Variants in FAM163A observed in about 807,000 individuals in gnomAD.
FAM163A encodes the protein family with sequence similarity 163 member A, also known as protein FAM163A.
FAM163A carries 7 observed loss-of-function variants against 12.0 expected under a neutral mutation model. The ratio of observed to expected loss-of-function variants is 0.58; its 90% CI spans 0.33 to 1.10. The LOEUF is 1.10. Ranked by LOEUF, FAM163A falls within the 50% of genes least tolerant of loss-of-function variation. The probability of loss-of-function intolerance (pLI) is 0.03; values close to 1 mark genes in which losing one functional copy is unlikely to be tolerated. For missense variants in FAM163A, 202 were observed against 218.6 expected (o/e 0.92, Z 0.48); for synonymous variants, 101 against 91.0 (o/e 1.11, Z -0.62).
At chr1:179,765,694 T>G (rs1687395623) in intron 1 of FAM163A, among the ~76,000 whole-genome samples, 1 of 151,818 alleles carries the variant, frequency 6.6e-6, no homozygotes, top group Non-Finnish European at 1.5e-5. Context: ...TTTTTTTTTT[T>G]TTTTTGCTGA....
chr1:179,753,099 T>C (rs553602185), intron 1 of FAM163A, among the ~76,000 whole-genome samples: 1 of 152,360 alleles, frequency 6.6e-6, no homozygotes, highest in South Asian at 2.1e-4. Flanking sequence ...GTGGATTTAA[T>C]GTGGTGTATA....
At chr1:179,753,756 T>C (rs186983190) in intron 1 of FAM163A, among the ~76,000 whole-genome samples, 1 of 152,138 alleles carries the variant, frequency 6.6e-6, no homozygotes, top group African/African-American at 2.4e-5. Context: ...AAGAAGTTTA[T>C]TTTAGAGTGC....
chr1:179,729,949 G>T, the FAM163A span, among the ~76,000 whole-genome samples: 2 of 152,230 alleles, frequency 1.3e-5, no homozygotes, highest in African/African-American at 4.8e-5. Flanking sequence ...TGCTGCACTT[G>T]TGCTTTTAAT....
At chr1:179,785,402 G>C (rs914080199) in intron 1 of FAM163A, among the ~76,000 whole-genome samples, 1 of 152,164 alleles carries the variant, frequency 6.6e-6, no homozygotes, top group Non-Finnish European at 1.5e-5. Flanking sequence ...TTGATAAAAT[G>C]AGAGAACATG....
intron 1 of FAM163A, among the ~76,000 whole-genome samples, chr1:179,755,578 G>A (rs1328524778): frequency 2.0e-5 from 3 of 152,174 alleles, no homozygotes; most frequent in Non-Finnish European, 4.4e-5. Context: ...TAATCACATG[G>A]CACAGGCCTC....
chr1:179,806,113 G>T (rs1168130536), intron 1 of FAM163A, among the ~76,000 whole-genome samples: 1 of 152,176 alleles, frequency 6.6e-6, no homozygotes, highest in Non-Finnish European at 1.5e-5. Flanking sequence ...ACCAAGTTAT[G>T]GTCCTATATG....
chr1:179,794,969 T>G (rs1005271683), intron 1 of FAM163A, among the ~76,000 whole-genome samples: 1 of 152,104 alleles, frequency 6.6e-6, no homozygotes, highest in Non-Finnish European at 1.5e-5. Context: ...AGGCCTGGGC[T>G]CCTTCCCACA....
chr1:179,756,750 TGGAGTCA>T (rs1241531913), intron 1 of FAM163A, among the ~76,000 whole-genome samples: 1 of 151,914 alleles, frequency 6.6e-6, no homozygotes, highest in Non-Finnish European at 1.5e-5. Flanking sequence ...GGGGGAAGTG[TGGAGTCA>T]GGAGTCAGGG....
At chr1:179,776,558 T>A (rs1296104374) in intron 1 of FAM163A, among the ~76,000 whole-genome samples, 3 of 151,704 alleles carry the variant, frequency 2.0e-5, no homozygotes, top group Admixed American at 1.3e-4. Flanking sequence ...TTATGGCCAC[T>A]TATCCCCTCA....
At chr1:179,781,628 T>C (rs1472251859) in intron 1 of FAM163A, among the ~76,000 whole-genome samples, 1 of 152,052 alleles carries the variant, frequency 6.6e-6, no homozygotes, top group Non-Finnish European at 1.5e-5. Context: ...GGGTGGTAAA[T>C]GCAGGTTAGT....
the FAM163A span, among the ~76,000 whole-genome samples, chr1:179,732,332 T>G: frequency 3.9e-5 from 6 of 152,218 alleles, no homozygotes; most frequent in African/African-American, 1.2e-4. Context: ...TGAACTTTGT[T>G]TTATATGGAA....
chr1:179,791,711 G>A (rs541796873), intron 1 of FAM163A, among the ~76,000 whole-genome samples: 77 of 152,276 alleles, frequency 5.1e-4, no homozygotes, highest in African/African-American at 1.8e-3. Context: ...TATCATCTGT[G>A]GCCTCCATTT....
chr1:179,741,523 A>T (rs1178479643), upstream of FAM163A, among the ~76,000 whole-genome samples: 1 of 152,258 alleles, frequency 6.6e-6, no homozygotes, highest in Non-Finnish European at 1.5e-5. Context: ...AATGGGAAAA[A>T]CCCAAATATC....
chr1:179,800,413 C>T (rs1426831034), intron 1 of FAM163A, among the ~76,000 whole-genome samples: 1 of 152,242 alleles, frequency 6.6e-6, no homozygotes, highest in Non-Finnish European at 1.5e-5. Context: ...AGCAGAGCAC[C>T]TCTGTTTATC....
chr1:179,746,231 A>G (rs1274879602), intron 1 of FAM163A, among the ~76,000 whole-genome samples: 3 of 152,170 alleles, frequency 2.0e-5, no homozygotes, highest in Admixed American at 6.6e-5. Context: ...CGCCCATGCC[A>G]TCTGACCTAG....
the FAM163A span, chr1:179,730,151 A>C: frequency 6.6e-6 from 1 of 152,260 alleles, no homozygotes; most frequent in East Asian, 1.9e-4. Context: ...TACACATCAC[A>C]CAGGGGCATT....
At chr1:179,766,375 C>G (rs1487362144) in intron 1 of FAM163A, among the ~76,000 whole-genome samples, 4 of 152,232 alleles carry the variant, frequency 2.6e-5, no homozygotes, top group Non-Finnish European at 1.5e-5. Context: ...ACTTCATGCT[C>G]AGAGGGGCCA....
At chr1:179,801,597 C>T (rs937053199) in intron 1 of FAM163A, among the ~76,000 whole-genome samples, 2 of 152,176 alleles carry the variant, frequency 1.3e-5, no homozygotes, top group East Asian at 3.8e-4. Context: ...TATTTATCTC[C>T]GTTTTGCAGA....
chr1:179,790,664 G>A (rs1160531950), intron 1 of FAM163A, among the ~76,000 whole-genome samples: 1 of 152,084 alleles, frequency 6.6e-6, no homozygotes, highest in Non-Finnish European at 1.5e-5. Flanking sequence ...TTTAGGATTA[G>A]GTCAGATCAC....
Sources: gnomAD v4.1 joint callset for allele counts (sites outside exome capture counted in the v4.1 genomes callset) on GRCh38, gnomAD v4.1.1 for gene constraint, MANE v1.5 for transcripts, NCBI Gene and HGNC (gene_info 2026-07-23, HGNC 2026-07-21) for gene names.